Variants in PGM3 observed in about 807,000 individuals in gnomAD.
The protein encoded by PGM3 is phosphoacetylglucosamine mutase.
A neutral mutation model predicts 66.2 loss-of-function variants in PGM3; 40 were observed. The ratio of observed to expected loss-of-function variants is 0.60; its 90% CI spans 0.47 to 0.79. The LOEUF (loss-of-function observed/expected upper bound fraction) is 0.79. PGM3 is among the 30% of genes least tolerant of loss of function. PGM3 has a pLI of 0.00. For missense variants in PGM3, 537 were observed against 643.4 expected (o/e 0.83, Z 1.79); for synonymous variants, 191 against 224.2 (o/e 0.85, Z 1.32).
In PGM3 at chr6:83,170,312, T is replaced by A; in HGVS notation, c.1532A>T (p.Asp511Val). 1 of 1,614,096 alleles carries A rather than the reference T, an allele frequency of 6.2e-7. No individual in the cohort carries two copies. The highest frequency in any genetic ancestry group is 8.5e-7 in the Non-Finnish European group (1 of 1,179,966). Residue 511 changes from aspartate (D) to valine (V), a missense_variant, in exon 12 of 13, where the codon GAC becomes GTC. Physicochemically the swap from Asp to Val is radical, Grantham distance 152. Transcript: ENST00000513973. ...EDVVRVYAEA[D>V]SQESADHLAH... The stretch of plus-strand genomic sequence containing the variant: ...AGAACTATCCCAGCTTACTTGTGAG[T>A]CTGCTTCTGCATATACTCGGACGAC...
chr6:83,155,750 C>T, the PGM3 span, among the ~76,000 whole-genome samples: 1 of 152,236 alleles, frequency 6.6e-6, no homozygotes, highest in Non-Finnish European at 1.5e-5. Flanking sequence ...CTCTCCATCA[C>T]AATTCCTACC....
downstream of PGM3, chr6:83,164,575 C>A: frequency 7.6e-7 from 1 of 1,311,852 alleles, no homozygotes; most frequent in Non-Finnish European, 1.1e-6. Context: ...ATCTTCCCAT[C>A]CAAATCACCT....
At chr6:83,160,541 T>A (rs1783984960), downstream of PGM3, among the ~76,000 whole-genome samples, 1 of 152,192 alleles carries the variant, frequency 6.6e-6, no homozygotes, top group African/African-American at 2.4e-5. Context: ...AATTTTAGAA[T>A]GCTTATTTTG....
At chr6:83,175,061 A>G (rs1344713289) in intron 9 of PGM3, among the ~76,000 whole-genome samples, 2 of 152,170 alleles carry the variant, frequency 1.3e-5, no homozygotes, top group African/African-American at 4.8e-5. Flanking sequence ...GAGGCCTAAT[A>G]CTGAGCAAGA....
At position 83,176,044 on chromosome 6, in the gene PGM3, G is replaced by A. The variant is rs769469358; in HGVS notation, c.1046C>T (p.Thr349Ile). ...EEVMKVPVYC[T>I]KTGVKHLHHK... ...GTGCAAATGTTTTACACCAGTCTTA[G>A]TGCAATAGACAGGTACCTATAACAC... Residue 349 changes from threonine to isoleucine, a missense_variant, in exon 9 of 13, where the codon ACT becomes ATT. Physicochemically the swap from Thr to Ile is moderately conservative, Grantham distance 89. Transcript: ENST00000513973. The A allele has an allele frequency of 6.3e-7, 1 of 1,592,908 alleles. No individual in the cohort carries two copies. The highest frequency in any genetic ancestry group is 1.1e-5 in the South Asian group (1 of 90,548).
chr6:83,185,071 C>T (rs1040950677), intron 4 of PGM3, among the ~76,000 whole-genome samples: 2 of 152,150 alleles, frequency 1.3e-5, no homozygotes, highest in African/African-American at 4.8e-5. Flanking sequence ...ATGGTTCTAG[C>T]GACAGAATGA....
At chr6:83,193,787 C>T (rs374845558), upstream of PGM3, 1 of 152,548 alleles carries the variant, frequency 6.6e-6, no homozygotes, top group Non-Finnish European at 1.5e-5. Flanking sequence ...TCACTGTAAA[C>T]ATCTTTTATT....
In PGM3 at chr6:83,167,940, C is replaced by T. The variant is rs1024056692; in HGVS notation, c.*1294G>A. 7.4e-6 allele frequency: 12 copies of T among 1,613,994 alleles called. No individual in the cohort carries two copies. The highest frequency in any genetic ancestry group is 3.3e-5 in the Admixed American group (2 of 59,998). On this transcript the variant is annotated 3_prime_UTR_variant, in exon 13 of 13. Transcript: ENST00000513973. ...CTTGCTGCTCACCATCTGCACCGTG[C>T]GCAGTATGGAGCAGCTCCTGCCGTT... is the stretch of plus-strand genomic sequence containing the variant.
At chr6:83,154,063 GTA>G in the PGM3 span, 25 of 1,613,482 alleles carry the variant, frequency 1.5e-5, no homozygotes, top group Non-Finnish European at 2.0e-5. Flanking sequence ...CCTCTTATTT[GTA>G]TTCAGCATGA....
chr6:83,160,425 G>A (rs962868092), downstream of PGM3, among the ~76,000 whole-genome samples: 10 of 152,226 alleles, frequency 6.6e-5, no homozygotes, highest in African/African-American at 2.2e-4. Flanking sequence ...TATTGCTGGA[G>A]CAGAATGTTA....
At chr6:83,155,123 A>G in the PGM3 span, among the ~76,000 whole-genome samples, 12 of 152,252 alleles carry the variant, frequency 7.9e-5, no homozygotes, top group Non-Finnish European at 1.8e-4. Context: ...GAAGCCAACC[A>G]TGAGAAGGCC....
At chr6:83,188,015 A>C (rs73749735) in intron 3 of PGM3, among the ~76,000 whole-genome samples, 4,084 of 152,260 alleles carry the variant, frequency 0.027, 198 homozygotes, top group African/African-American at 0.093. Flanking sequence ...CAGGTATTGG[A>C]GATTGAGTAG....
chr6:83,167,989 T>A lies in PGM3; in HGVS notation c.*1245A>T. 1 of 1,614,112 alleles carries A rather than the reference T, an allele frequency of 6.2e-7. No individual in the cohort carries two copies. The highest frequency in any genetic ancestry group is 8.5e-7 in the Non-Finnish European group (1 of 1,180,018). On this transcript the variant is annotated 3_prime_UTR_variant, in exon 13 of 13. Transcript: ENST00000513973. ...TTCTTCAATGTGCTCAGTCAAGTCT[T>A]CAACAGCAAAGTCACAAGCCGATGT...
At chr6:83,151,496 G>A in the PGM3 span, 4 of 822,768 alleles carry the variant, frequency 4.9e-6, no homozygotes, top group African/African-American at 3.5e-5. Flanking sequence ...TGGAAATCAA[G>A]ACCATTAAGC....
chr6:83,178,266 A>G (rs1016445475), intron 8 of PGM3, among the ~76,000 whole-genome samples: 1 of 152,190 alleles, frequency 6.6e-6, no homozygotes, highest in African/African-American at 2.4e-5. Context: ...ATAGTTACAA[A>G]TTGGACGCAA....
intron 6 of PGM3, among the ~76,000 whole-genome samples, chr6:83,180,379 T>G (rs1267810651): frequency 6.6e-6 from 1 of 152,200 alleles, no homozygotes; most frequent in Non-Finnish European, 1.5e-5. Flanking sequence ...TTTTTATTTG[T>G]TCATACCACC....
rs370638673 is a variant in PGM3 at position 83,180,299 on chromosome 6, G to A, written c.788-332C>T. 6.2e-4 allele frequency among the ~76,000 whole-genome samples: 94 copies of A among 152,220 alleles called. No individual in the cohort carries two copies. The East Asian group carries it at 0.013, about 21-fold the overall frequency. ...TTCTGAATGTAATTTACCTAGGACC[G>A]TGATCTCCTTTACATAGAAAAAATA... On this transcript the variant is annotated intron_variant, in intron 6 of 12. Transcript: ENST00000513973.
chr6:83,166,045 T>C lies in PGM3; in HGVS notation c.*3189A>G, dbSNP rs1785438712. On this transcript the variant is annotated 3_prime_UTR_variant, in exon 13 of 13. Transcript: ENST00000513973. ...CCACTGAGCTGGTCATCGCCAGTTG[T>C]CGTATAAAATCCACCTTTTGGCACA... 7.1e-6 allele frequency: 2 copies of C among 282,130 alleles called. No individual in the cohort carries two copies. The highest frequency in any genetic ancestry group is 1.2e-4 in the South Asian group (2 of 16,502). 17.5% of individuals were successfully genotyped at this position (282,130 alleles called of 1,614,324 possible).
intron 3 of PGM3, among the ~76,000 whole-genome samples, chr6:83,188,285 T>A (rs1287353412): frequency 6.6e-6 from 1 of 152,090 alleles, no homozygotes; most frequent in Non-Finnish European, 1.5e-5. Context: ...GTTCAAATCA[T>A]GTGTTGACTC....
Sources: gnomAD v4.1 joint callset for allele counts (sites outside exome capture counted in the v4.1 genomes callset) on GRCh38, gnomAD v4.1.1 for gene constraint, MANE v1.5 for transcripts, NCBI Gene and HGNC (gene_info 2026-07-23, HGNC 2026-07-21) for gene names.